RTN4RL1: variants seen among roughly 807,000 people sequenced by gnomAD.
RTN4RL1 encodes reticulon 4 receptor like 1.
A neutral mutation model predicts 25.6 loss-of-function variants in RTN4RL1; 7 were observed. That is an observed-to-expected ratio of 0.27 (90% CI 0.16 to 0.51). RTN4RL1 has a LOEUF of 0.51. Ranked by LOEUF, RTN4RL1 falls within the 20% of genes least tolerant of loss-of-function variation. The pLI, the probability that RTN4RL1 is intolerant of heterozygous loss-of-function variation, is 0.97. For synonymous variants in RTN4RL1, 297 were observed against 288.2 expected, an observed-to-expected ratio of 1.03 and a Z score of -0.31; for missense variants, 500 against 615.6, an observed-to-expected ratio of 0.81 and a Z score of 1.99.
intron 1 of RTN4RL1, among the ~76,000 whole-genome samples, chr17:1,984,507 C>G (rs1481183633): frequency 2.0e-5 from 3 of 152,158 alleles, no homozygotes; most frequent in African/African-American, 7.2e-5. Context: ...GGGATTCCAG[C>G]CAGGAGCCCA....
chr17:2,000,797 G>C (rs905540149), intron 1 of RTN4RL1, among the ~76,000 whole-genome samples: 1 of 152,160 alleles, frequency 6.6e-6, no homozygotes, highest in African/African-American at 2.4e-5. Flanking sequence ...GGGGATTACA[G>C]GGGTGCGCCA....
chr17:2,020,999 C>G (rs980314151), intron 1 of RTN4RL1, among the ~76,000 whole-genome samples: 1 of 152,196 alleles, frequency 6.6e-6, no homozygotes, highest in Non-Finnish European at 1.5e-5. Flanking sequence ...TAACCAGAGG[C>G]TTGCTTTTAA....
At position 1,937,037 on chromosome 17, in the gene RTN4RL1, C is replaced by G. The variant is rs753828517; in HGVS notation, c.785G>C (p.Arg262Pro). 6.2e-7 allele frequency: 1 copy of G among 1,604,310 alleles called. No individual in the cohort carries two copies. Among genetic ancestry groups the G allele is most frequent in the Non-Finnish European group, 8.5e-7 (1 of 1,177,832 alleles). Reference protein sequence around the residue: ...LNGNPWDCGCRARSLWEWLQR... With the variant: ...LNGNPWDCGCPARSLWEWLQR... The stretch of plus-strand genomic sequence containing the variant: ...CAGCCATTCCCACAGGGAGCGCGCG[C>G]GACAACCACAGTCCCAGGGGTTGCC... Residue 262 changes from arginine (R) to proline (P), a missense_variant, in exon 2 of 2, where the codon CGC becomes CCC. Coordinates refer to ENST00000331238, the MANE Select transcript of RTN4RL1 (RefSeq NM_178568.4).
intron 1 of RTN4RL1, among the ~76,000 whole-genome samples, chr17:1,962,409 A>G (rs997791404): frequency 6.6e-6 from 1 of 151,568 alleles, no homozygotes; most frequent in Non-Finnish European, 1.5e-5. Flanking sequence ...CCAGGCTGGA[A>G]TGCAGTGGTG....
rs1300369478 is a variant in RTN4RL1 at position 1,937,813 on chromosome 17, C to A, written c.14-5G>T. On this transcript the variant is annotated splice_polypyrimidine_tract_variant and splice_region_variant and intron_variant, in intron 1 of 1. Transcript: ENST00000331238. Reference sequence around the variant, plus strand: ...GCAGCAACTCCACACAGCACCCTGGCAGGGAGAGAGAGCACAGCCAGGTCA... The same window carrying A: ...GCAGCAACTCCACACAGCACCCTGGAAGGGAGAGAGAGCACAGCCAGGTCA... 3 of 1,574,570 alleles carry A rather than the reference C, an allele frequency of 1.9e-6. No homozygotes were observed. Among genetic ancestry groups the A allele is most frequent in the Non-Finnish European group, 2.6e-6 (3 of 1,162,430 alleles).
At chr17:2,002,563 A>G (rs548002879) in intron 1 of RTN4RL1, among the ~76,000 whole-genome samples, 43 of 151,588 alleles carry the variant, frequency 2.8e-4, no homozygotes, top group Admixed American at 9.8e-4. Flanking sequence ...AAGTGCTGGG[A>G]TTACAGGCGT....
rs77705417 is a variant in RTN4RL1 at position 1,941,015 on chromosome 17, G to A, written c.14-3207C>T. The stretch of plus-strand genomic sequence containing the variant: ...CGGGGTGATATGTGTCCGGCTCAGC[G>A]CTAATCCCACTCGACATTTGCACAG... On this transcript the variant is annotated intron_variant, in intron 1 of 1. Coordinates refer to ENST00000331238, the MANE Select transcript of RTN4RL1 (RefSeq NM_178568.4). Among the ~76,000 whole-genome samples, 842 of 152,302 alleles carry A rather than the reference G, an allele frequency of 5.5e-3. 12 individuals are homozygous for A. The highest frequency in any genetic ancestry group is 0.039 in the East Asian group (199 of 5,168).
intron 1 of RTN4RL1, among the ~76,000 whole-genome samples, chr17:1,974,154 A>G (rs2066832689): frequency 6.6e-6 from 1 of 152,126 alleles, no homozygotes; most frequent in Non-Finnish European, 1.5e-5. Flanking sequence ...CCTGGGCAAC[A>G]GGGCGAAACT....
intron 1 of RTN4RL1, among the ~76,000 whole-genome samples, chr17:1,971,823 G>C (rs1199979568): frequency 2.0e-5 from 3 of 152,000 alleles, no homozygotes; most frequent in South Asian, 2.1e-4. Flanking sequence ...TTAGCCAGGT[G>C]TGGTGGCGGG....
chr17:1,991,265 G>A (rs934874157), intron 1 of RTN4RL1, among the ~76,000 whole-genome samples: 2 of 152,078 alleles, frequency 1.3e-5, no homozygotes, highest in South Asian at 4.2e-4. Context: ...CCGGGGAAGG[G>A]TAGGCATAGG....
chr17:2,024,072 T>A (rs565106833), intron 1 of RTN4RL1, among the ~76,000 whole-genome samples: 1 of 152,152 alleles, frequency 6.6e-6, no homozygotes, highest in South Asian at 2.1e-4. Flanking sequence ...GCGCCCCGCG[T>A]GGCAACCACG....
chr17:2,011,759 G>A (rs143831192), intron 1 of RTN4RL1, among the ~76,000 whole-genome samples: 4 of 152,266 alleles, frequency 2.6e-5, no homozygotes, highest in African/African-American at 9.6e-5. Context: ...AGGGGCAGTG[G>A]GCCAATTAGG....
intron 1 of RTN4RL1, among the ~76,000 whole-genome samples, chr17:1,997,234 C>G (rs976351614): frequency 2.0e-5 from 3 of 152,246 alleles, no homozygotes; most frequent in Non-Finnish European, 4.4e-5. Flanking sequence ...TCACTCACGA[C>G]AATCAACCTC....
intron 1 of RTN4RL1, among the ~76,000 whole-genome samples, chr17:1,999,680 C>CACA (rs386385438): frequency 3.3e-5 from 5 of 151,480 alleles, no homozygotes; most frequent in Non-Finnish European, 5.9e-5. Context: ...CATGCCCCCC[C>CACA]CACACACACA....
intron 1 of RTN4RL1, among the ~76,000 whole-genome samples, chr17:2,011,931 G>T (rs926659189): frequency 6.6e-6 from 1 of 152,146 alleles, no homozygotes; most frequent in African/African-American, 2.4e-5. Context: ...CGCTTGGGGA[G>T]ATTCTTTTTA....
At chr17:1,939,704 C>A (rs556376365) in intron 1 of RTN4RL1, among the ~76,000 whole-genome samples, 1 of 152,340 alleles carries the variant, frequency 6.6e-6, no homozygotes, top group Non-Finnish European at 1.5e-5. Flanking sequence ...CGGATAATAG[C>A]CCCGTGCTCA....
rs1038240519 is a variant in RTN4RL1, at chr17:1,957,015, C to T, written c.14-19207G>A. 2.0e-5 allele frequency among the ~76,000 whole-genome samples: 3 copies of T among 152,330 alleles called. No homozygotes were observed. In the Middle Eastern group the frequency reaches 0.01, roughly 518 times the overall value. On this transcript the variant is annotated intron_variant, in intron 1 of 1. Coordinates refer to ENST00000331238, the MANE Select transcript of RTN4RL1 (RefSeq NM_178568.4). Reference sequence around the variant, plus strand: ...TTGGCCTCCCAAAGTGCTGGGATTACAGGCGTGAGCCACCGCGCCCAGCCA... The same window carrying T: ...TTGGCCTCCCAAAGTGCTGGGATTATAGGCGTGAGCCACCGCGCCCAGCCA...
At chr17:2,000,721 T>C (rs1362126259) in intron 1 of RTN4RL1, among the ~76,000 whole-genome samples, 2 of 152,096 alleles carry the variant, frequency 1.3e-5, no homozygotes, top group East Asian at 3.9e-4. Flanking sequence ...GGTTTCGCCA[T>C]GTTGGCCAGG....
At chr17:1,984,944 G>A (rs926199228) in intron 1 of RTN4RL1, among the ~76,000 whole-genome samples, 1 of 151,730 alleles carries the variant, frequency 6.6e-6, no homozygotes, top group Non-Finnish European at 1.5e-5. Context: ...TCCAGCCTGG[G>A]CAACAAGAGC....
Sources: gnomAD v4.1 joint callset for allele counts (sites outside exome capture counted in the v4.1 genomes callset) on GRCh38, gnomAD v4.1.1 for gene constraint, MANE v1.5 for transcripts, NCBI Gene and HGNC (gene_info 2026-07-23, HGNC 2026-07-21) for gene names.